The following MTFR2 variants were observed in gnomAD, a reference collection of about 807,000 sequenced individuals.
MTFR2 encodes the protein DUF729 domain-containing protein 1.
In MTFR2, 44 loss-of-function variants were observed where a neutral mutation model predicts 41.2. The ratio of observed to expected loss-of-function variants is 1.07; its 90% CI spans 0.84 to 1.37. The LOEUF (loss-of-function observed/expected upper bound fraction) is 1.37, where lower values mean the gene tolerates loss of function less well. Among genes scored for constraint, MTFR2 ranks in the 40% most tolerant of loss-of-function variants. MTFR2 has a pLI of 0.00. For synonymous variants in MTFR2, 141 were observed against 154.6 expected (o/e 0.91, Z 0.65); for missense variants, 452 against 459.5 (o/e 0.98, Z 0.15).
At chr6:136,245,397 CA>C (rs1363432862) in intron 2 of MTFR2, among the ~76,000 whole-genome samples, 2 of 152,158 alleles carry the variant, frequency 1.3e-5, no homozygotes, top group African/African-American at 2.4e-5. Context: ...TGCTGGCAGT[CA>C]GCTCTTGAAA....
chr6:136,246,022 A>G (rs1411681064), intron 2 of MTFR2, among the ~76,000 whole-genome samples: 5 of 152,130 alleles, frequency 3.3e-5, no homozygotes, highest in Non-Finnish European at 7.4e-5. Context: ...TATTTGGAGG[A>G]TTGAGCATTT....
chr6:136,248,349 G>A (rs377628639), intron 2 of MTFR2, among the ~76,000 whole-genome samples: 5 of 152,146 alleles, frequency 3.3e-5, no homozygotes, highest in South Asian at 2.1e-4. Context: ...TTATCCTCAC[G>A]TGTCAAGGGT....
At chr6:136,239,329 T>C (rs1779986476) in intron 6 of MTFR2, 137 bp downstream of exon 6, 1 of 565,816 alleles carries the variant, frequency 1.8e-6, no homozygotes, top group Non-Finnish European at 2.9e-6. Context: ...TTGAATGTCA[T>C]TATCTCTAGG....
At chr6:136,232,540 G>A (rs897652532) in intron 7 of MTFR2, among the ~76,000 whole-genome samples, 2 of 151,986 alleles carry the variant, frequency 1.3e-5, no homozygotes, top group South Asian at 2.1e-4. Context: ...GGATGACCAC[G>A]CCCGGCCCTG....
At position 136,241,682 on chromosome 6, in the gene MTFR2, G is replaced by A; in HGVS notation, c.282-6C>T. ...CATTTTTCCATATACTATTTCTGTGGGTGAAAAAAAATAGGAAATGGAGGG... is the reference window on the plus strand; with the variant it reads ...CATTTTTCCATATACTATTTCTGTGAGTGAAAAAAAATAGGAAATGGAGGG... On this transcript the variant is annotated splice_polypyrimidine_tract_variant and splice_region_variant and intron_variant, in intron 4 of 7. Coordinates refer to ENST00000420702, the MANE Select transcript of MTFR2 (RefSeq NM_001099286.3). The A allele has an allele frequency of 1.3e-6, 2 of 1,589,122 alleles. No homozygotes were observed. Among genetic ancestry groups the A allele is most frequent in the Admixed American group, 1.8e-5 (1 of 55,030 alleles).
chr6:136,234,694 T>C (rs1213657791), intron 6 of MTFR2, among the ~76,000 whole-genome samples: 1 of 152,162 alleles, frequency 6.6e-6, no homozygotes, highest in Non-Finnish European at 1.5e-5. Flanking sequence ...ATCTGACTTC[T>C]GGTCACTATC....
chr6:136,232,001 T>C lies in MTFR2; in HGVS notation c.1045-613A>G, dbSNP rs539181635. ...TGCTGTGAAGATCTAGTGAGATGAG[T>C]AAAAAAGGTACTTTGCAAGTTACAA... On this transcript the variant is annotated intron_variant, in intron 7 of 7. Coordinates refer to ENST00000420702, the MANE Select transcript of MTFR2 (RefSeq NM_001099286.3). Among the ~76,000 whole-genome samples, 8 of 152,254 alleles carry C rather than the reference T, an allele frequency of 5.3e-5. No homozygotes were observed. In the East Asian group the frequency reaches 1.5e-3, roughly 29 times the overall value.
intron 6 of MTFR2, among the ~76,000 whole-genome samples, chr6:136,238,162 AAT>A (rs775572163): frequency 6.6e-6 from 1 of 152,274 alleles, no homozygotes; most frequent in Non-Finnish European, 1.5e-5. Flanking sequence ...TGCTATTTAC[AAT>A]AGACAAGACA....
intron 5 of MTFR2, among the ~76,000 whole-genome samples, chr6:136,241,033 G>A (rs1245288255): frequency 1.3e-5 from 2 of 151,326 alleles, no homozygotes; most frequent in Non-Finnish European, 2.9e-5. Context: ...GGAGCTTGCA[G>A]TGAGCCAAGA....
chr6:136,249,008 G>T, intron 2 of MTFR2, 29 bp downstream of exon 2: 1 of 1,573,698 alleles, frequency 6.4e-7, no homozygotes, highest in African/African-American at 1.4e-5. Context: ...AAATACAACA[G>T]ATCCATTCCA....
chr6:136,231,343 C>T lies in MTFR2; in HGVS notation c.1090G>A (p.Glu364Lys). 6.2e-7 allele frequency: 1 copy of T among 1,612,534 alleles called. No individual in the cohort carries two copies. The highest frequency in any genetic ancestry group is 8.5e-7 in the Non-Finnish European group (1 of 1,179,516). Residue 364 changes from glutamate (E) to lysine (K), a missense_variant, in exon 8 of 8, where the codon GAA becomes AAA. Glu to Lys is a moderately conservative substitution (Grantham distance 56, BLOSUM62 1). Coordinates refer to ENST00000420702, the MANE Select transcript of MTFR2 (RefSeq NM_001099286.3). The part of the protein sequence containing the change: ...SQSEGQRTKE[E>K]MVNTKAVDQG... ...TCAACAGCTTTTGTGTTGACCATTTCTTCTTTAGTTCGCTGTCCTTCTGAC... is the reference window on the plus strand; with the variant it reads ...TCAACAGCTTTTGTGTTGACCATTTTTTCTTTAGTTCGCTGTCCTTCTGAC...
chr6:136,241,190 C>A (rs1473305277), intron 5 of MTFR2, among the ~76,000 whole-genome samples: 1 of 151,856 alleles, frequency 6.6e-6, no homozygotes, highest in Non-Finnish European at 1.5e-5. Context: ...TAAATCAAAG[C>A]CATCCCCTCA....
chr6:136,239,947 A>G (rs1260274383), intron 5 of MTFR2, 127 bp from the exon 6 acceptor site: 5 of 692,538 alleles, frequency 7.2e-6, no homozygotes, highest in Middle Eastern at 3.2e-4. Flanking sequence ...GGTAGCAAGG[A>G]AAGAGTGTCA....
At chr6:136,235,098 C>T (rs990820783) in intron 6 of MTFR2, among the ~76,000 whole-genome samples, 7 of 152,084 alleles carry the variant, frequency 4.6e-5, no homozygotes, top group African/African-American at 1.2e-4. Context: ...CCATGTTGGC[C>T]AGGCTGGTCT....
chr6:136,232,516 C>T (rs1779791881), intron 7 of MTFR2, among the ~76,000 whole-genome samples: 1 of 152,214 alleles, frequency 6.6e-6, no homozygotes, highest in African/African-American at 2.4e-5. Context: ...CCACCTCAGC[C>T]TCCCAAAGTG....
intron 2 of MTFR2, among the ~76,000 whole-genome samples, chr6:136,248,499 A>G (rs797552): frequency 1 from 151,975 of 152,332 alleles, 75,809 homozygotes; most frequent in Middle Eastern, 1. Context: ...CACCATGTAA[A>G]ATGTGACTTT....
intron 1 of MTFR2, among the ~76,000 whole-genome samples, chr6:136,249,504 T>C (rs955139804): frequency 6.6e-6 from 1 of 152,194 alleles, no homozygotes; most frequent in Non-Finnish European, 1.5e-5. Flanking sequence ...TCTTAGCAGA[T>C]GGGTGAGTTT....
chr6:136,231,226 T>C lies in MTFR2; in HGVS notation c.*49A>G. 8 of 1,176,830 alleles carry C rather than the reference T, an allele frequency of 6.8e-6. No homozygotes were observed. Among genetic ancestry groups the C allele is most frequent in the Non-Finnish European group, 1.0e-5 (8 of 802,102 alleles). The allele number at this position is 1,176,830 out of a possible 1,614,324, so 72.9% of individuals were successfully genotyped here. On this transcript the variant is annotated 3_prime_UTR_variant, in exon 8 of 8. Coordinates refer to ENST00000420702, the MANE Select transcript of MTFR2 (RefSeq NM_001099286.3). ...CAAATCAGTTTCTAAGAATAATTTA[T>C]CATCCAGGAAGAAGTTTTGGAAGTT...
At chr6:136,234,035 A>G (rs1779838970) in intron 6 of MTFR2, among the ~76,000 whole-genome samples, 1 of 152,142 alleles carries the variant, frequency 6.6e-6, no homozygotes, top group South Asian at 2.1e-4. Flanking sequence ...AGAGCTGTGA[A>G]TAAAACAAAA....
Sources: gnomAD v4.1 joint callset for allele counts (sites outside exome capture counted in the v4.1 genomes callset) on GRCh38, gnomAD v4.1.1 for gene constraint, MANE v1.5 for transcripts, NCBI Gene and HGNC (gene_info 2026-07-23, HGNC 2026-07-21) for gene names.